CHRNB3: variants seen among roughly 807,000 people sequenced by gnomAD.
CHRNB3 encodes neuronal acetylcholine receptor subunit beta-3.
A neutral mutation model predicts 40.6 loss-of-function variants in CHRNB3; 37 were observed. That is an observed-to-expected ratio of 0.91 (90% CI 0.70 to 1.20). The LOEUF (loss-of-function observed/expected upper bound fraction) is 1.20, where lower values mean the gene tolerates loss of function less well. CHRNB3 is among the 50% of genes most tolerant of loss of function. The pLI is 0.00. For missense variants in CHRNB3, 505 were observed against 551.2 expected (o/e 0.92, Z 0.84); for synonymous variants, 207 against 207.1 (o/e 1.00, Z 0.00).
At chr8:42,731,158 T>C (rs908823747) in intron 4 of CHRNB3, among the ~76,000 whole-genome samples, 1 of 152,088 alleles carries the variant, frequency 6.6e-6, no homozygotes, top group African/African-American at 2.4e-5. Flanking sequence ...AGATTAACAC[T>C]AGGAATAGAA....
chr8:42,732,033 C>A lies in CHRNB3; in HGVS notation c.726C>A (p.Ile242=). ...LPLFYTLFLI[I]PCLGLSFLTV... ...TATTCTATACCCTCTTTCTCATCAT[C>A]CCCTGCCTGGGGCTGTCTTTCCTAA... is the stretch of plus-strand genomic sequence containing the variant. Residue 242 remains isoleucine, a synonymous_variant, in exon 5 of 6, where the codon ATC becomes ATA. Transcript: ENST00000289957. 6.2e-7 allele frequency: 1 copy of A among 1,614,020 alleles called. No individual in the cohort carries two copies. The highest frequency in any genetic ancestry group is 8.5e-7 in the Non-Finnish European group (1 of 1,180,000).
intron 3 of CHRNB3, among the ~76,000 whole-genome samples, chr8:42,718,745 C>A (rs79630035): frequency 0.059 from 8,636 of 145,146 alleles, 335 homozygotes; most frequent in Middle Eastern, 0.11. Flanking sequence ...AAAAGCCTTA[C>A]AATTTAGGTT....
chr8:42,719,196 C>T (rs1290957344), intron 3 of CHRNB3, among the ~76,000 whole-genome samples: 1 of 152,162 alleles, frequency 6.6e-6, no homozygotes, highest in Non-Finnish European at 1.5e-5. Context: ...CTCGCAGCCC[C>T]TTAGAGAACG....
chr8:42,717,130 T>C (rs1816123994), intron 3 of CHRNB3, among the ~76,000 whole-genome samples: 1 of 134,344 alleles, frequency 7.4e-6, no homozygotes, highest in Non-Finnish European at 1.6e-5. Context: ...TCCCAGCACT[T>C]TGGGAGGCCG....
At chr8:42,703,260 C>T (rs1222077550) in intron 1 of CHRNB3, among the ~76,000 whole-genome samples, 1 of 151,002 alleles carries the variant, frequency 6.6e-6, no homozygotes, top group African/African-American at 2.4e-5. Flanking sequence ...CCTGTCTCTA[C>T]TAAAAATACA....
Position 42,710,392 on chromosome 8 carries a change from T to A in CHRNB3, c.207T>A (p.Asp69Glu), listed in dbSNP as rs1815994521. The A allele has an allele frequency of 2.5e-6, 4 of 1,603,050 alleles. No individual in the cohort carries two copies. The highest frequency in any genetic ancestry group is 3.4e-6 in the Non-Finnish European group (4 of 1,174,328). ...TTTTTAAATTTTCATTTTCTTAGGA[T>A]GAAAAGAATCAGCTGATGACAACCA... The part of the protein sequence containing the change: ...GLKISQLVDV[D>E]EKNQLMTTNV... Residue 69 changes from aspartate to glutamate, a missense_variant and splice_region_variant, in exon 3 of 6, where the codon GAT (aspartate) becomes GAA (glutamate). Transcript: ENST00000289957.
At chr8:42,726,407 C>T (rs62518226) in intron 3 of CHRNB3, among the ~76,000 whole-genome samples, 8,694 of 151,572 alleles carry the variant, frequency 0.057, 325 homozygotes, top group Middle Eastern at 0.1. Context: ...ACAGGACATA[C>T]GGTCAAAATG....
At chr8:42,709,363 A>C (rs1451438739) in intron 2 of CHRNB3, among the ~76,000 whole-genome samples, 1 of 150,774 alleles carries the variant, frequency 6.6e-6, no homozygotes, top group African/African-American at 2.5e-5. Context: ...TCACATTCTA[A>C]TTTTCCTTTT....
intron 3 of CHRNB3, among the ~76,000 whole-genome samples, chr8:42,723,038 ATTAC>A (rs1277270810): frequency 7.0e-6 from 1 of 143,108 alleles, no homozygotes; most frequent in Non-Finnish European, 1.6e-5. Context: ...AAGATATCCT[ATTAC>A]TTAGATATTT....
At chr8:42,717,607 G>A (rs1563611003) in intron 3 of CHRNB3, among the ~76,000 whole-genome samples, 1 of 151,372 alleles carries the variant, frequency 6.6e-6, no homozygotes, top group Admixed American at 6.6e-5. Flanking sequence ...TTACTCAAGT[G>A]GACCCTGGTA....
intron 2 of CHRNB3, among the ~76,000 whole-genome samples, 170 bp downstream of exon 2, chr8:42,709,038 A>C (rs1815967455): frequency 6.6e-6 from 1 of 152,176 alleles, no homozygotes; most frequent in African/African-American, 2.4e-5. Context: ...AAAGAACGAG[A>C]AGTTGTCACA....
chr8:42,726,350 G>A (rs1255910027), intron 3 of CHRNB3: 5 of 496,586 alleles, frequency 1.0e-5, no homozygotes, highest in Non-Finnish European at 1.8e-5. Context: ...TGTCTATGTA[G>A]AAAATCTACA....
At chr8:42,726,356 C>A (rs1005111112) in intron 3 of CHRNB3, 14 of 491,830 alleles carry the variant, frequency 2.8e-5, no homozygotes, top group Non-Finnish European at 3.9e-5. Context: ...TGTAGAAAAT[C>A]TACAGAAAAG....
At chr8:42,709,754 C>T (rs911505590) in intron 2 of CHRNB3, among the ~76,000 whole-genome samples, 1 of 152,186 alleles carries the variant, frequency 6.6e-6, no homozygotes. Flanking sequence ...GCCTCAGCTT[C>T]CTGAGTAGCT....
chr8:42,733,374 C>T (rs970712363), intron 5 of CHRNB3, among the ~76,000 whole-genome samples: 1 of 151,892 alleles, frequency 6.6e-6, no homozygotes, highest in Non-Finnish European at 1.5e-5. Context: ...AGACTGAAAA[C>T]AGTCCTGGGT....
intron 5 of CHRNB3, among the ~76,000 whole-genome samples, chr8:42,733,025 C>G (rs1253925437): frequency 6.6e-6 from 1 of 151,648 alleles, no homozygotes; most frequent in Admixed American, 6.6e-5. Flanking sequence ...ATTTAGTTTA[C>G]AGATTTTTTT....
chr8:42,718,571 G>A (rs1417986440), intron 3 of CHRNB3, among the ~76,000 whole-genome samples: 1 of 151,428 alleles, frequency 6.6e-6, no homozygotes, highest in African/African-American at 2.4e-5. Flanking sequence ...TACTCGGGAG[G>A]CTGAGGCAGG....
intron 3 of CHRNB3, among the ~76,000 whole-genome samples, chr8:42,718,733 T>A (rs1023556536): frequency 2.4e-4 from 37 of 151,708 alleles, no homozygotes; most frequent in Non-Finnish European, 5.3e-4. Context: ...ATAGTTTTTT[T>A]AAAAAGCCTT....
At chr8:42,709,203 C>T (rs566550559) in intron 2 of CHRNB3, among the ~76,000 whole-genome samples, 7 of 152,202 alleles carry the variant, frequency 4.6e-5, no homozygotes, top group East Asian at 1.9e-4. Context: ...CTGGGGCTGA[C>T]GTGCTGTGAT....
Sources: gnomAD v4.1 joint callset for allele counts (sites outside exome capture counted in the v4.1 genomes callset) on GRCh38, gnomAD v4.1.1 for gene constraint, MANE v1.5 for transcripts, NCBI Gene and HGNC (gene_info 2026-07-23, HGNC 2026-07-21) for gene names.